The following MAP3K14 variants were observed in gnomAD, a reference collection of about 807,000 sequenced individuals.
MAP3K14 encodes the protein mitogen-activated protein kinase kinase kinase 14.
In MAP3K14, 16 loss-of-function variants were observed where a neutral mutation model predicts 99.2. The observed-to-expected ratio is 0.16, with a 90% CI of 0.11 to 0.24. MAP3K14 has a LOEUF of 0.24. Ranked by LOEUF, MAP3K14 falls within the 10% of genes least tolerant of loss-of-function variation. MAP3K14 has a pLI of 1.00. For missense variants in MAP3K14, 784 were observed against 1,208.7 expected (o/e 0.65, Z 5.21); for synonymous variants, 462 against 492.4 (o/e 0.94, Z 0.82).
chr17:45,271,289 C>T lies in MAP3K14; in HGVS notation c.1658-68G>A, dbSNP rs928848235. 5 of 1,360,204 alleles carry T rather than the reference C, an allele frequency of 3.7e-6. No homozygotes were observed. In the Admixed American group the frequency reaches 6.9e-5, roughly 19 times the overall value. The allele number at this position is 1,360,204 out of a possible 1,614,324, so 84.3% of individuals were successfully genotyped here. ...GGGCAGGAGCCTAGGCAATGGCCAC[C>T]CTGGTTAATCCTCGGGGTATCTTAC... is the stretch of plus-strand genomic sequence containing the variant. On this transcript the variant is annotated intron_variant, in intron 9 of 15. Transcript: ENST00000344686.
intron 10 of MAP3K14, chr17:45,270,813 T>C (rs563740552): frequency 5.1e-5 from 38 of 744,364 alleles, no homozygotes; most frequent in Non-Finnish European, 7.9e-5. Flanking sequence ...AGGAGGCAGG[T>C]GGATGGGGCC....
intron 6 of MAP3K14, 31 bp downstream of exon 6, chr17:45,284,781 C>A: frequency 6.4e-7 from 1 of 1,569,524 alleles, no homozygotes; most frequent in Non-Finnish European, 8.6e-7. Context: ...CCTGGCTTCC[C>A]TCTTCACTCA....
In MAP3K14 at chr17:45,274,605, C is replaced by T; in HGVS notation, c.1291-12G>A. 6.2e-7 allele frequency: 1 copy of T among 1,612,628 alleles called. No individual in the cohort carries two copies. On this transcript the variant is annotated splice_polypyrimidine_tract_variant and intron_variant, in intron 6 of 15. Coordinates refer to ENST00000344686, the MANE Select transcript of MAP3K14 (RefSeq NM_003954.5). ...ACTTCCAGCCGCACCTGCAAGGGCC[C>T]AGAGGCAGCTGTTAAGACAGGGTGA...
chr17:45,277,529 C>T (rs1598249135), intron 6 of MAP3K14, among the ~76,000 whole-genome samples: 1 of 152,286 alleles, frequency 6.6e-6, no homozygotes, highest in African/African-American at 2.4e-5. Context: ...TGGTTAATCA[C>T]CTCCCATGAA....
chr17:45,292,281 G>A (rs2044316544), intron 1 of MAP3K14, among the ~76,000 whole-genome samples: 2 of 152,200 alleles, frequency 1.3e-5, no homozygotes, highest in Admixed American at 1.3e-4. Context: ...GAAGTCTGAG[G>A]GGGCCGGACA....
At position 45,271,090 on chromosome 17, in the gene MAP3K14, T is replaced by A. The variant is rs534894306; in HGVS notation, c.1789A>T (p.Thr597Ser). 15 of 1,612,898 alleles carry A rather than the reference T, an allele frequency of 9.3e-6. No homozygotes were observed. In the East Asian group the frequency reaches 3.3e-4, roughly 36 times the overall value. The change falls in exon 10 of 16, where the codon ACT becomes TCT. Residue 597 changes from threonine to serine, a missense_variant. By Grantham distance (58) the Thr-to-Ser change is moderately conservative. This residue lies in a region of MAP3K14 where 200 missense variants were observed against 367.9 expected (regional missense o/e 0.54). Coordinates refer to ENST00000344686, the MANE Select transcript of MAP3K14 (RefSeq NM_003954.5). Reference protein sequence around the residue: ...LHMLNGCHPWTQFFRGPLCLK... With the variant: ...LHMLNGCHPWSQFFRGPLCLK... ...CAGAGCGGCCCTCGGAAGAACTGAG[T>A]CCAGGGGTGGCAGCCGTTGAGCATG...
At position 45,267,013 on chromosome 17, in the gene MAP3K14, C is replaced by T. The variant is rs1269605419; in HGVS notation, c.2433+79G>A. The T allele has an allele frequency of 2.0e-5, 22 of 1,080,222 alleles. No individual in the cohort carries two copies. The East Asian group carries it at 4.4e-4, about 22-fold the overall frequency. 66.9% of individuals were successfully genotyped at this position (1,080,222 alleles called of 1,614,324 possible). The stretch of plus-strand genomic sequence containing the variant: ...GCACAGTGTCCATTCACTAGCTGGA[C>T]GCAAAGCTACTTGCTCTGTGCCAGG... On this transcript the variant is annotated intron_variant, in intron 13 of 15. Transcript: ENST00000344686. The surrounding 1 kb of genome is among the most constrained non-coding windows in gnomAD (Gnocchi z 5.1).
chr17:45,274,453 T>G lies in MAP3K14; in HGVS notation c.1420+11A>C, dbSNP rs749877513. ...CTGAATTTGGAGAAAGAGTGGGACC[T>G]GGCTCCTTACCTTCCAGCAGCTCCA... On this transcript the variant is annotated intron_variant, in intron 7 of 15. Transcript: ENST00000344686. 13 of 1,613,396 alleles carry G rather than the reference T, an allele frequency of 8.1e-6. No homozygotes were observed. The highest frequency in any genetic ancestry group is 1.0e-5 in the Non-Finnish European group (12 of 1,179,650).
chr17:45,298,676 G>A (rs1013591823), intron 1 of MAP3K14, among the ~76,000 whole-genome samples: 1 of 152,224 alleles, frequency 6.6e-6, no homozygotes, highest in Non-Finnish European at 1.5e-5. Context: ...GTCCTGTCTA[G>A]CTGCAGAGCA....
chr17:45,272,357 G>A lies in MAP3K14; in HGVS notation c.1658-1136C>T, dbSNP rs2044147727. Among the ~76,000 whole-genome samples, 1 of 149,906 alleles carries A rather than the reference G, an allele frequency of 6.7e-6. No homozygotes were observed. Among genetic ancestry groups the A allele is most frequent in the African/African-American group, 2.4e-5 (1 of 41,250 alleles). ...ATAAAAGTTAAAAAGAATCAGAAAA[G>A]ATACATTTTTTTTTGTAACAAGAAA... On this transcript the variant is annotated intron_variant, in intron 9 of 15. Transcript: ENST00000344686. This position sits in a 1 kb window ranked among gnomAD's most constrained non-coding sequence, Gnocchi z 4.1.
chr17:45,299,462 A>G (rs1451521841), intron 1 of MAP3K14, among the ~76,000 whole-genome samples: 1 of 152,224 alleles, frequency 6.6e-6, no homozygotes, highest in Non-Finnish European at 1.5e-5. Context: ...GCCTGGGCTA[A>G]CAATCTGACA....
intron 6 of MAP3K14, among the ~76,000 whole-genome samples, chr17:45,276,790 GGCGTGAGCCACTGT>G (rs2044183251): frequency 6.7e-6 from 1 of 149,110 alleles, no homozygotes; most frequent in Non-Finnish European, 1.5e-5. Flanking sequence ...TGGGATTACA[GGCGTGAGCCACTGT>G]GCCCGGCCTC....
At chr17:45,281,199 C>T (rs35271675) in intron 6 of MAP3K14, among the ~76,000 whole-genome samples, 140 of 151,962 alleles carry the variant, frequency 9.2e-4, no homozygotes, top group African/African-American at 3.2e-3. Context: ...TGGGCTCAAG[C>T]GATCCTCCCA....
intron 1 of MAP3K14, among the ~76,000 whole-genome samples, chr17:45,292,720 T>C (rs923747286): frequency 2.0e-5 from 3 of 152,122 alleles, no homozygotes; most frequent in Non-Finnish European, 2.9e-5. Flanking sequence ...CCAGAGCCGA[T>C]CCCACTGTTC....
In MAP3K14 at chr17:45,285,579, T is replaced by C. The variant is rs35499743; in HGVS notation, c.1153-630A>G. ...AGGGGGAGGTTGCAGTGAGCTGTTATAGTGCCACTACACTCCAGCCTGGGC... is the reference window on the plus strand; with the variant it reads ...AGGGGGAGGTTGCAGTGAGCTGTTACAGTGCCACTACACTCCAGCCTGGGC... On this transcript the variant is annotated intron_variant, in intron 5 of 15. Transcript: ENST00000344686. Among the ~76,000 whole-genome samples, 360 of 152,230 alleles carry C rather than the reference T, an allele frequency of 2.4e-3. 1 individual carries two copies. In the Middle Eastern group the frequency reaches 0.024, roughly 10 times the overall value.
Position 45,267,344 on chromosome 17 carries a change from G to T in MAP3K14, c.2326+62C>A. On this transcript the variant is annotated intron_variant, in intron 12 of 15. Transcript: ENST00000344686. This position sits in a 1 kb window ranked among gnomAD's most constrained non-coding sequence, Gnocchi z 5.1. ...CACACCGCAGGTAAAGAGAAACACCGGCCTCCGCGGGTGGCCCAGGGCCAG... is the reference window on the plus strand; with the variant it reads ...CACACCGCAGGTAAAGAGAAACACCTGCCTCCGCGGGTGGCCCAGGGCCAG... The T allele has an allele frequency of 2.0e-6, 3 of 1,501,370 alleles. No homozygotes were observed. Among genetic ancestry groups the T allele is most frequent in the Non-Finnish European group, 2.7e-6 (3 of 1,106,972 alleles). 93.0% of individuals were successfully genotyped at this position (1,501,370 alleles called of 1,614,324 possible).
intron 9 of MAP3K14, among the ~76,000 whole-genome samples, chr17:45,273,188 TGCA>T (rs1455041227): frequency 3.3e-5 from 5 of 152,110 alleles, no homozygotes; most frequent in Admixed American, 1.3e-4. Context: ...AGGCTGGCAG[TGCA>T]CTCCCCTGCA....
chr17:45,304,171 T>G (rs939483658), intron 1 of MAP3K14, among the ~76,000 whole-genome samples: 3 of 151,964 alleles, frequency 2.0e-5, no homozygotes, highest in Admixed American at 2.0e-4. Flanking sequence ...ATCCGGCTAA[T>G]TTTTGTATTT....
intron 6 of MAP3K14, among the ~76,000 whole-genome samples, chr17:45,280,284 T>C (rs2044211811): frequency 1.3e-5 from 2 of 151,246 alleles, no homozygotes; most frequent in Non-Finnish European, 1.5e-5. Context: ...TGCCCATACA[T>C]GCAACACAGA....
Sources: gnomAD v4.1 joint callset for allele counts (sites outside exome capture counted in the v4.1 genomes callset) on GRCh38, gnomAD v4.1.1 for gene constraint, gnomAD v4.1.1 regional missense constraint, Gnocchi (gnomAD v3.1) non-coding constraint, MANE v1.5 for transcripts, NCBI Gene and HGNC (gene_info 2026-07-23, HGNC 2026-07-21) for gene names.